The following KDM4C variants were observed in gnomAD, a reference collection of about 807,000 sequenced individuals.
KDM4C encodes lysine demethylase 4C.
KDM4C carries 81 observed loss-of-function variants against 129.3 expected under a neutral mutation model. The ratio of observed to expected loss-of-function variants is 0.63; its 90% CI spans 0.52 to 0.75. KDM4C has a LOEUF of 0.75. Ranked by LOEUF, KDM4C falls within the 30% of genes least tolerant of loss-of-function variation. The probability of loss-of-function intolerance (pLI) is 0.00; values close to 1 mark genes in which losing one functional copy is unlikely to be tolerated. For synonymous variants in KDM4C, 573 were observed against 456.1 expected, an observed-to-expected ratio of 1.26 and a Z score of -3.26; for missense variants, 1,457 against 1,304.0, an observed-to-expected ratio of 1.12 and a Z score of -1.81.
chr9:6,852,095 A>G (rs953258100), intron 5 of KDM4C, among the ~76,000 whole-genome samples: 1 of 152,240 alleles, frequency 6.6e-6, no homozygotes, highest in African/African-American at 2.4e-5. Context: ...TACTGTAGGA[A>G]GAGAGTGTTA....
At chr9:6,993,666 G>T (rs554513938) in intron 12 of KDM4C, among the ~76,000 whole-genome samples, 1 of 152,320 alleles carries the variant, frequency 6.6e-6, no homozygotes, top group South Asian at 2.1e-4. Flanking sequence ...CGTGCACTTA[G>T]GGGAGAGGGC....
At chr9:6,914,361 T>G (rs1819921591) in intron 8 of KDM4C, among the ~76,000 whole-genome samples, 1 of 152,200 alleles carries the variant, frequency 6.6e-6, no homozygotes, top group Non-Finnish European at 1.5e-5. Flanking sequence ...CATGAGCCAC[T>G]GTGCCTGGCC....
At chr9:6,849,011 G>A (rs1035443449) in intron 4 of KDM4C, among the ~76,000 whole-genome samples, 104 of 152,150 alleles carry the variant, frequency 6.8e-4, no homozygotes, top group African/African-American at 2.5e-3. Context: ...GAATGGATAG[G>A]GATGGGAGAG....
At chr9:7,093,131 G>A (rs1209988780) in intron 17 of KDM4C, among the ~76,000 whole-genome samples, 1 of 151,970 alleles carries the variant, frequency 6.6e-6, no homozygotes, top group African/African-American at 2.4e-5. Flanking sequence ...TAGATGGGGT[G>A]GTGTTACTTC....
intron 3 of KDM4C, among the ~76,000 whole-genome samples, chr9:6,806,707 C>T (rs1157383745): frequency 2.6e-5 from 4 of 152,050 alleles, no homozygotes; most frequent in Admixed American, 6.5e-5. Context: ...GCTCCCCTTT[C>T]ATGGCTTTTG....
intron 19 of KDM4C, among the ~76,000 whole-genome samples, chr9:7,154,361 C>G (rs557047805): frequency 3.3e-5 from 5 of 152,306 alleles, no homozygotes; most frequent in African/African-American, 1.2e-4. Context: ...AACTATATGC[C>G]GATTAACTAC....
At chr9:6,966,647 A>G (rs1353426463) in intron 8 of KDM4C, among the ~76,000 whole-genome samples, 1 of 152,230 alleles carries the variant, frequency 6.6e-6, no homozygotes, top group Admixed American at 6.5e-5. Flanking sequence ...CTTCCTTAAT[A>G]GAAGAGTTAA....
intron 15 of KDM4C, among the ~76,000 whole-genome samples, chr9:7,039,349 A>G (rs568216009): frequency 3.9e-4 from 60 of 152,184 alleles, no homozygotes; most frequent in African/African-American, 1.4e-3. Flanking sequence ...GTAATCTGCT[A>G]TTCAACATAT....
intron 18 of KDM4C, among the ~76,000 whole-genome samples, chr9:7,125,438 T>A (rs1027707656): frequency 7.9e-5 from 12 of 152,172 alleles, no homozygotes; most frequent in African/African-American, 2.7e-4. Context: ...ATAGCCTTAG[T>A]GGTTTTGTGT....
intron 1 of KDM4C, among the ~76,000 whole-genome samples, chr9:6,751,445 TA>T (rs1818061709): frequency 6.6e-6 from 1 of 151,880 alleles, no homozygotes; most frequent in Non-Finnish European, 1.5e-5. Flanking sequence ...GATCCTGTCT[TA>T]AAATTAATAA....
At chr9:6,840,911 G>A (rs1588631212) in intron 4 of KDM4C, among the ~76,000 whole-genome samples, 1 of 152,318 alleles carries the variant, frequency 6.6e-6, no homozygotes, top group East Asian at 1.9e-4. Context: ...CTTTGAGAGA[G>A]GCAATTTAAA....
chr9:6,772,997 T>C (rs1406635423), intron 1 of KDM4C, among the ~76,000 whole-genome samples: 8 of 151,894 alleles, frequency 5.3e-5, no homozygotes. Context: ...TGCCTGGCTT[T>C]TCTTTTTCTT....
In KDM4C at chr9:7,165,246, C is replaced by G. The variant is rs1378403771; in HGVS notation, c.2790C>G (p.Asp930Glu). 4.3e-6 allele frequency: 7 copies of G among 1,614,112 alleles called. No individual in the cohort carries two copies. Among genetic ancestry groups the G allele is most frequent in the Non-Finnish European group, 5.9e-6 (7 of 1,179,992 alleles). Residue 930 changes from aspartate (D) to glutamate (E), a missense_variant, in exon 20 of 22, where the codon GAC becomes GAG. Coordinates refer to ENST00000381309, the MANE Select transcript of KDM4C (RefSeq NM_015061.6). ...DTFPEDIVSR[D>E]CLKLGPPAEG... ...CTCTGTTTATTCTGCAGAGCCGAGA[C>G]TGTCTGAAGCTGGGCCCACCTGCTG... is the stretch of plus-strand genomic sequence containing the variant.
At chr9:6,842,066 G>T (rs987583756) in intron 4 of KDM4C, among the ~76,000 whole-genome samples, 4 of 152,188 alleles carry the variant, frequency 2.6e-5, no homozygotes, top group African/African-American at 9.7e-5. Context: ...CCTACCACTT[G>T]TATAGTCTCA....
chr9:6,725,992 T>C (rs943891546), intron 1 of KDM4C, among the ~76,000 whole-genome samples: 2 of 151,608 alleles, frequency 1.3e-5, no homozygotes, highest in Non-Finnish European at 2.9e-5. Context: ...AGTGGCGCGA[T>C]CTCGGCTCAC....
At chr9:7,003,809 TTAAA>T (rs890742599) in intron 12 of KDM4C, among the ~76,000 whole-genome samples, 7 of 152,224 alleles carry the variant, frequency 4.6e-5, no homozygotes, top group African/African-American at 1.7e-4. Flanking sequence ...AAAAAATCAC[TTAAA>T]TATAGTTTCA....
chr9:6,908,523 GA>G (rs938361260), intron 8 of KDM4C, among the ~76,000 whole-genome samples: 77 of 152,252 alleles, frequency 5.1e-4, no homozygotes, highest in African/African-American at 1.8e-3. Context: ...TCCACGGAAG[GA>G]CCCCACCTGG....
intron 4 of KDM4C, chr9:6,835,003 G>C (rs1835615528): frequency 2.1e-6 from 2 of 954,350 alleles, no homozygotes; most frequent in Non-Finnish European, 1.7e-6. Flanking sequence ...TGGCTGGCCG[G>C]GACCTGACTA....
intron 8 of KDM4C, among the ~76,000 whole-genome samples, chr9:6,903,062 T>C (rs1817675730): frequency 6.6e-6 from 1 of 152,154 alleles, no homozygotes; most frequent in African/African-American, 2.4e-5. Flanking sequence ...ATTTCCCACA[T>C]CAGTTTCATA....
Sources: allele counts gnomAD v4.1 joint callset (sites outside exome capture counted in the v4.1 genomes callset), GRCh38; gene constraint gnomAD v4.1.1; transcripts MANE v1.5; gene names NCBI Gene and HGNC (gene_info 2026-07-23, HGNC 2026-07-21).